Variants in MS4A13 observed in about 807,000 individuals in gnomAD.
MS4A13 encodes the protein membrane spanning 4-domains A13.
A neutral mutation model predicts 18.4 loss-of-function variants in MS4A13; 21 were observed. The observed-to-expected ratio is 1.14, with a 90% CI of 0.81 to 1.64. The LOEUF (loss-of-function observed/expected upper bound fraction) is 1.64. MS4A13 is among the 40% of genes most tolerant of loss of function. The pLI is 0.00. For missense variants in MS4A13, 173 were observed against 176.8 expected, an observed-to-expected ratio of 0.98 and a Z score of 0.12; for synonymous variants, 62 against 57.2, an observed-to-expected ratio of 1.08 and a Z score of -0.38.
intron 6 of MS4A13, among the ~76,000 whole-genome samples, chr11:60,539,516 G>C (rs1485775599): frequency 1.3e-5 from 2 of 151,976 alleles, no homozygotes; most frequent in Non-Finnish European, 2.9e-5. Context: ...TATAATGGGA[G>C]TCCCATAAAA....
intron 3 of MS4A13, among the ~76,000 whole-genome samples, chr11:60,519,671 A>G (rs1341603028): frequency 6.6e-6 from 1 of 152,246 alleles, no homozygotes; most frequent in African/African-American, 2.4e-5. Context: ...CATGAGTGCA[A>G]CCATGCAGTA....
At chr11:60,542,314 G>A (rs2086866764) in intron 6 of MS4A13, among the ~76,000 whole-genome samples, 1 of 150,494 alleles carries the variant, frequency 6.6e-6, no homozygotes, top group African/African-American at 2.4e-5. Context: ...GAGGAAGGGA[G>A]GAAGGGAAGA....
At chr11:60,522,750 G>T (rs4939391) in intron 3 of MS4A13, among the ~76,000 whole-genome samples, 25,015 of 152,060 alleles carry the variant, frequency 0.16, 2,304 homozygotes, top group East Asian at 0.27. Flanking sequence ...TGGTTCATAG[G>T]TGATAAATGA....
chr11:60,525,256 C>G lies in MS4A13; in HGVS notation c.236C>G (p.Thr79Ser), dbSNP rs1185772886. ...ATCATCTGCATAATTACTACAATTA[C>G]TGCAGTAACTCTAACAATAATAGAG... ...INIICIITTITAVTLTIIELS... is the reference protein window; with the variant it reads ...INIICIITTISAVTLTIIELS... The change falls in exon 5 of 7, where the codon ACT becomes AGT. Residue 79 changes from threonine to serine, a missense_variant. Physicochemically the swap from Thr to Ser is moderately conservative, Grantham distance 58 (BLOSUM62 1). Coordinates refer to ENST00000378186, the MANE Select transcript of MS4A13 (RefSeq NM_001012417.3). 1.3e-6 allele frequency: 2 copies of G among 1,561,062 alleles called. No individual in the cohort carries two copies. The highest frequency in any genetic ancestry group is 1.8e-6 in the Non-Finnish European group (2 of 1,133,656).
chr11:60,527,400 CTCTCTCTCTCTGTGTGTGTG>C (rs2086724539), intron 5 of MS4A13, among the ~76,000 whole-genome samples: 5 of 84,046 alleles, frequency 5.9e-5, no homozygotes, highest in African/African-American at 2.7e-4. Flanking sequence ...CTCTCTCTCT[CTCTCTCTCTCTGTGTGTGTG>C]TGTGTGTGTG....
Position 60,518,160 on chromosome 11 carries a change from G to A in MS4A13, c.77G>A (p.Gly26Glu). 1.2e-6 allele frequency: 2 copies of A among 1,612,168 alleles called. No homozygotes were observed. The highest frequency in any genetic ancestry group is 1.7e-6 in the Non-Finnish European group (2 of 1,178,764). Residue 26 changes from glycine to glutamate, a missense_variant, in exon 3 of 7, where the codon GGA becomes GAA. Coordinates refer to ENST00000378186, the MANE Select transcript of MS4A13 (RefSeq NM_001012417.3). The stretch of plus-strand genomic sequence containing the variant: ...ATGGGACAAATTAAAGGAGCCTTTG[G>A]AACGTATGAACCTGTAACTTACAAA... The part of the protein sequence containing the change: ...LYMGQIKGAF[G>E]TYEPVTYKTG...
At chr11:60,527,402 C>CTGTGTGTGTGTGTG (rs1565212713) in intron 5 of MS4A13, among the ~76,000 whole-genome samples, 21 of 81,604 alleles carry the variant, frequency 2.6e-4, no homozygotes, top group African/African-American at 7.4e-4. Context: ...CTCTCTCTCT[C>CTGTGTGTGTGTGTG]TCTCTCTCTG....
intron 3 of MS4A13, among the ~76,000 whole-genome samples, chr11:60,520,102 T>C (rs546737359): frequency 1.2e-4 from 18 of 152,232 alleles, no homozygotes; most frequent in East Asian, 9.6e-4. Context: ...AATCTCATCT[T>C]ATAGCTCCCA....
At chr11:60,531,197 C>T (rs996485979) in intron 6 of MS4A13, among the ~76,000 whole-genome samples, 4 of 152,020 alleles carry the variant, frequency 2.6e-5, no homozygotes, top group Admixed American at 6.6e-5. Flanking sequence ...AGACCAAAAG[C>T]GTTATTAAAA....
At chr11:60,529,255 CTTTTTTT>C (rs10667098) in intron 5 of MS4A13, 103 bp from the exon 6 acceptor site, 13 of 172,248 alleles carry the variant, frequency 7.5e-5, no homozygotes, top group Admixed American at 3.4e-4. Context: ...ATTTTCCTTC[CTTTTTTT>C]TTTTTTTTTT....
In MS4A13 at chr11:60,542,272, GGAAA is replaced by G. The variant is rs953564629; in HGVS notation, c.403-236_403-233del. Among the ~76,000 whole-genome samples the G allele has an allele frequency of 7.0e-4, 101 of 143,778 alleles. 2 individuals are homozygous for G. In the East Asian group the frequency reaches 0.015, roughly 21 times the overall value. 94.3% of individuals were successfully genotyped at this position (143,778 alleles called of 152,430 possible). A position where few individuals can be genotyped will look rare whatever the true frequency, so the allele number is the denominator to read the frequency against. On this transcript the variant is annotated intron_variant, in intron 6 of 6. Coordinates refer to ENST00000378186, the MANE Select transcript of MS4A13 (RefSeq NM_001012417.3). ...AAAAAGAGAAAGAAAGAAAGAAAAA[GGAAA>G]GAAAGAAAGAGAAAGAAAGAAGAAA...
chr11:60,518,102 A>G lies in MS4A13; in HGVS notation c.19A>G (p.Ile7Val), dbSNP rs10736706. 1,588,898 of 1,602,848 alleles carry G rather than the reference A, an allele frequency of 0.99. 788,453 individuals carry two copies. The highest frequency in any genetic ancestry group is 1 in the East Asian group (44,688 of 44,690). The stretch of plus-strand genomic sequence containing the variant: ...CCAGATTATGATTGGCATCTTTCAC[A>G]TTTTCATGTGGTACTTTCTATTGGT... MIGIFH[I>V]FMWYFLLVLY... Residue 7 changes from isoleucine (I) to valine (V), a missense_variant, in exon 3 of 7, where the codon ATT (isoleucine) becomes GTT (valine). By Grantham distance (29) the Ile-to-Val change is conservative (BLOSUM62 3). Transcript: ENST00000378186.
chr11:60,527,412 G>C lies in MS4A13; in HGVS notation c.307-1953G>C, dbSNP rs529453869. ...TCTCTCTCTCTCTCTCTCTCTCTCTGTGTGTGTGTGTGTGTGTGTGTGTGT... is the reference window on the plus strand; with the variant it reads ...TCTCTCTCTCTCTCTCTCTCTCTCTCTGTGTGTGTGTGTGTGTGTGTGTGT... On this transcript the variant is annotated intron_variant, in intron 5 of 6. Transcript: ENST00000378186. Among the ~76,000 whole-genome samples, 407 of 137,570 alleles carry C rather than the reference G, an allele frequency of 3.0e-3. 3 individuals are homozygous for C. The highest frequency in any genetic ancestry group is 0.012 in the African/African-American group (386 of 33,066). The allele number at this position is 137,570 out of a possible 152,430, so 90.3% of individuals were successfully genotyped here.
chr11:60,542,039 A>G (rs1289757831), intron 6 of MS4A13, among the ~76,000 whole-genome samples: 8 of 150,814 alleles, frequency 5.3e-5, no homozygotes, highest in Admixed American at 5.3e-4. Flanking sequence ...CCTGAAAGAG[A>G]GGTGGTTGCA....
intron 6 of MS4A13, among the ~76,000 whole-genome samples, chr11:60,531,995 C>A (rs574545491): frequency 1.3e-5 from 2 of 152,246 alleles, no homozygotes; most frequent in East Asian, 1.9e-4. Flanking sequence ...AAAATTGCTA[C>A]CATATATTAT....
intron 6 of MS4A13, among the ~76,000 whole-genome samples, chr11:60,530,690 A>G (rs1785568614): frequency 2.0e-5 from 3 of 152,136 alleles, no homozygotes; most frequent in Admixed American, 1.3e-4. Flanking sequence ...CACTCTTCCC[A>G]CCTGATATGG....
chr11:60,536,992 G>T (rs2086813916), intron 6 of MS4A13, among the ~76,000 whole-genome samples: 1 of 109,898 alleles, frequency 9.1e-6, no homozygotes, highest in Admixed American at 1.0e-4. Context: ...GCTGAAACTG[G>T]ATCCCTTCCT....
chr11:60,522,095 A>G (rs775135534), intron 3 of MS4A13, among the ~76,000 whole-genome samples: 32 of 152,054 alleles, frequency 2.1e-4, no homozygotes, highest in Admixed American at 5.9e-4. Flanking sequence ...CCATGATTCA[A>G]TTATCTCCCA....
chr11:60,517,951 A>G, intron 2 of MS4A13, 121 bp from the exon 3 acceptor site: 2 of 688,966 alleles, frequency 2.9e-6, no homozygotes, highest in Non-Finnish European at 2.2e-6. Flanking sequence ...TACATCATTA[A>G]GTGCATTGCT....
Sources: allele counts gnomAD v4.1 joint callset (sites outside exome capture counted in the v4.1 genomes callset), GRCh38; gene constraint gnomAD v4.1.1; transcripts MANE v1.5; gene names NCBI Gene and HGNC (gene_info 2026-07-23, HGNC 2026-07-21).